Variants in ADGRL3 observed in about 807,000 individuals in gnomAD.
ADGRL3 encodes calcium-independent alpha-latrotoxin receptor 3.
Under a neutral mutation model 153.5 loss-of-function variants are expected in ADGRL3, and 62 were observed. That is an observed-to-expected ratio of 0.40 (90% CI 0.33 to 0.50). The LOEUF (loss-of-function observed/expected upper bound fraction) is 0.50, where lower values mean the gene tolerates loss of function less well. Ranked by LOEUF, ADGRL3 falls within the 20% of genes least tolerant of loss-of-function variation. The pLI is 0.47. For missense variants in ADGRL3, 1,641 were observed against 1,859.4 expected, an observed-to-expected ratio of 0.88 and a Z score of 2.16; for synonymous variants, 710 against 672.5, an observed-to-expected ratio of 1.06 and a Z score of -0.86.
At chr4:61,594,248 T>G (rs2098980494) in intron 5 of ADGRL3, among the ~76,000 whole-genome samples, 1 of 152,174 alleles carries the variant, frequency 6.6e-6, no homozygotes, top group Admixed American at 6.5e-5. Context: ...AAAACAGCTA[T>G]TTTGAATTCT....
At chr4:61,855,092 A>G (rs2098248100) in intron 9 of ADGRL3, among the ~76,000 whole-genome samples, 1 of 152,176 alleles carries the variant, frequency 6.6e-6, no homozygotes, top group Non-Finnish European at 1.5e-5. Context: ...AAAAAAAGAC[A>G]TGAGGAAAAA....
At chr4:61,913,288 G>A (rs1200172117) in intron 13 of ADGRL3, among the ~76,000 whole-genome samples, 1 of 152,090 alleles carries the variant, frequency 6.6e-6, no homozygotes, top group Non-Finnish European at 1.5e-5. Context: ...CGGCTGACAT[G>A]TTCTAATTTG....
rs540229800 is a variant in ADGRL3 at position 61,362,359 on chromosome 4, T to C, written c.-239-20765T>C. Among the ~76,000 whole-genome samples the C allele has an allele frequency of 5.6e-4, 83 of 149,202 alleles. No individual in the cohort carries two copies. In the East Asian group the frequency reaches 0.011, roughly 20 times the overall value. ...ATATATATATATACACACACACACA[T>C]ATATACACTTGACCCTTGAATGACT... is the stretch of plus-strand genomic sequence containing the variant. On this transcript the variant is annotated intron_variant, in intron 1 of 26. Coordinates refer to ENST00000683033, the MANE Select transcript of ADGRL3 (RefSeq NM_001387552.1).
At chr4:61,969,207 G>T (rs1581681359) in intron 17 of ADGRL3, among the ~76,000 whole-genome samples, 1 of 152,040 alleles carries the variant, frequency 6.6e-6, no homozygotes, top group Non-Finnish European at 1.5e-5. Context: ...GCAATCAAGG[G>T]AACAAAATGA....
intron 5 of ADGRL3, among the ~76,000 whole-genome samples, chr4:61,598,947 T>C (rs2149493525): frequency 6.6e-6 from 1 of 152,310 alleles, no homozygotes; most frequent in Admixed American, 6.5e-5. Flanking sequence ...GATATGACCC[T>C]ATGCCTTTTA....
At chr4:61,257,684 G>C (rs2092108004) in intron 1 of ADGRL3, among the ~76,000 whole-genome samples, 1 of 152,152 alleles carries the variant, frequency 6.6e-6, no homozygotes, top group Non-Finnish European at 1.5e-5. Context: ...TGGTAGATAT[G>C]ATGAGTAACA....
At chr4:61,708,025 T>C (rs1561099086) in intron 6 of ADGRL3, among the ~76,000 whole-genome samples, 1 of 152,182 alleles carries the variant, frequency 6.6e-6, no homozygotes, top group Non-Finnish European at 1.5e-5. Context: ...ATATGCTACA[T>C]TCACCTTACC....
In ADGRL3 at chr4:61,517,534, G is replaced by A. The variant is rs1259233617; in HGVS notation, c.259+16G>A. The A allele has an allele frequency of 1.4e-6, 1 of 701,552 alleles. No homozygotes were observed. Among genetic ancestry groups the A allele is most frequent in the Non-Finnish European group, 2.6e-6 (1 of 385,336 alleles). The allele number at this position is 701,552 out of a possible 1,614,324, so 43.5% of individuals were successfully genotyped here. On this transcript the variant is annotated intron_variant, in intron 4 of 26. Coordinates refer to ENST00000683033, the MANE Select transcript of ADGRL3 (RefSeq NM_001387552.1). The stretch of plus-strand genomic sequence containing the variant: ...GCAGCGCAAGGTGCGGCCAGCGGTG[G>A]GGAGAGAGGGCTGGGGGTGGCTGGG...
At chr4:61,697,698 A>G (rs2095667141) in intron 6 of ADGRL3, among the ~76,000 whole-genome samples, 1 of 152,192 alleles carries the variant, frequency 6.6e-6, no homozygotes, top group Non-Finnish European at 1.5e-5. Flanking sequence ...ATAGGTAAAA[A>G]CATCCAAAAG....
chr4:61,671,837 G>C (rs990606422), intron 5 of ADGRL3, among the ~76,000 whole-genome samples: 1 of 152,130 alleles, frequency 6.6e-6, no homozygotes, highest in Non-Finnish European at 1.5e-5. Context: ...GCAGTATCAT[G>C]ATTTTCAGGC....
chr4:61,632,612 C>G (rs1272944178), intron 5 of ADGRL3, among the ~76,000 whole-genome samples: 5 of 152,086 alleles, frequency 3.3e-5, no homozygotes, highest in Non-Finnish European at 7.3e-5. Flanking sequence ...TGTTTTATAC[C>G]AGGAAGTTAA....
chr4:62,042,739 G>A (rs1207758016), intron 24 of ADGRL3, among the ~76,000 whole-genome samples: 1 of 151,900 alleles, frequency 6.6e-6, no homozygotes, highest in African/African-American at 2.4e-5. Flanking sequence ...AAAATAAATG[G>A]TATAATTGGT....
At chr4:61,228,183 T>C (rs1198279216) in intron 1 of ADGRL3, among the ~76,000 whole-genome samples, 1 of 152,098 alleles carries the variant, frequency 6.6e-6, no homozygotes, top group Non-Finnish European at 1.5e-5. Context: ...ATTAATTGAC[T>C]TTTTAAAAAG....
chr4:61,873,079 C>G (rs1431976074), intron 9 of ADGRL3, among the ~76,000 whole-genome samples: 2 of 152,104 alleles, frequency 1.3e-5, no homozygotes, highest in Non-Finnish European at 2.9e-5. Flanking sequence ...ACTTGATTTC[C>G]TCCTTAAATG....
intron 2 of ADGRL3, among the ~76,000 whole-genome samples, chr4:61,412,046 A>G (rs535211253): frequency 6.6e-6 from 1 of 152,178 alleles, no homozygotes; most frequent in South Asian, 2.1e-4. Context: ...TCAGTAAACT[A>G]GGTGCTATGG....
intron 5 of ADGRL3, among the ~76,000 whole-genome samples, chr4:61,611,848 A>T (rs1371513607): frequency 1.3e-5 from 2 of 152,056 alleles, no homozygotes; most frequent in Non-Finnish European, 2.9e-5. Context: ...TTGAGCCCGG[A>T]ATTCAAGGTT....
At chr4:61,250,342 G>A (rs1758756813) in intron 1 of ADGRL3, among the ~76,000 whole-genome samples, 4 of 152,138 alleles carry the variant, frequency 2.6e-5, no homozygotes, top group Admixed American at 2.0e-4. Context: ...GTTAAAGGAG[G>A]AGTTGGATTG....
intron 2 of ADGRL3, among the ~76,000 whole-genome samples, chr4:61,432,974 A>G (rs1033122381): frequency 7.9e-5 from 12 of 151,954 alleles, no homozygotes; most frequent in African/African-American, 2.4e-4. Flanking sequence ...TTTCTATTTT[A>G]ACATTAAAAC....
intron 9 of ADGRL3, among the ~76,000 whole-genome samples, chr4:61,822,250 T>A (rs2148739628): frequency 6.6e-6 from 1 of 152,328 alleles, no homozygotes; most frequent in Non-Finnish European, 1.5e-5. Context: ...TTATTTAGAG[T>A]ACACTGTGAA....
Sources: allele counts gnomAD v4.1 joint callset (sites outside exome capture counted in the v4.1 genomes callset), GRCh38; gene constraint gnomAD v4.1.1; transcripts MANE v1.5; gene names NCBI Gene and HGNC (gene_info 2026-07-23, HGNC 2026-07-21).